The following BBS1 variants were observed in gnomAD, a reference collection of about 807,000 sequenced individuals.
BBS1 encodes Bardet-Biedl syndrome 1.
BBS1 carries 60 observed loss-of-function variants against 73.9 expected under a neutral mutation model. That is an observed-to-expected ratio of 0.81 (90% CI 0.66 to 1.01). The LOEUF (loss-of-function observed/expected upper bound fraction) is 1.01. BBS1 is among the 50% of genes least tolerant of loss of function. The pLI is 0.00. For missense variants in BBS1, 718 were observed against 770.3 expected, an observed-to-expected ratio of 0.93 and a Z score of 0.80; for synonymous variants, 283 against 317.4, an observed-to-expected ratio of 0.89 and a Z score of 1.15.
At chr11:66,511,284 T>C (rs765345749) in intron 3 of BBS1, 45 bp downstream of exon 3, 1 of 1,604,166 alleles carries the variant, frequency 6.2e-7, no homozygotes. Context: ...TAGGGGGGTG[T>C]ACCCAGAAAT....
intron 11 of BBS1, among the ~76,000 whole-genome samples, chr11:66,525,050 A>C (rs1018210122): frequency 1.3e-5 from 2 of 152,130 alleles, no homozygotes; most frequent in Non-Finnish European, 2.9e-5. Flanking sequence ...AATACAAAAA[A>C]TTAGCCGGGC....
chr11:66,510,943 C>T (rs1417515422), intron 1 of BBS1, 70 bp from the exon 2 acceptor site: 4 of 1,540,026 alleles, frequency 2.6e-6, no homozygotes, highest in Non-Finnish European at 3.6e-6. Flanking sequence ...TGACCTGTAC[C>T]AGCTTCCTCA....
chr11:66,519,278 G>C (rs1856126467), intron 7 of BBS1, among the ~76,000 whole-genome samples: 1 of 152,322 alleles, frequency 6.6e-6, no homozygotes, highest in Admixed American at 6.5e-5. Context: ...GGCTAAGGCA[G>C]GAGAATTGCT....
At chr11:66,527,708 C>G (rs530311621) in intron 13 of BBS1, 1 of 151,802 alleles carries the variant, frequency 6.6e-6, no homozygotes, top group Non-Finnish European at 1.5e-5. Context: ...ATAATAGTCC[C>G]TACCTTAGGA....
chr11:66,510,693 T>G lies in BBS1; in HGVS notation c.34T>G (p.Cys12Gly). The change falls in exon 1 of 17, where the codon TGC (cysteine) becomes GGC (glycine). Residue 12 changes from cysteine to glycine, a missense_variant. Cys to Gly is a radical substitution (Grantham distance 159, BLOSUM62 -3). Coordinates refer to ENST00000318312, the MANE Select transcript of BBS1 (RefSeq NM_024649.5). ...AAASSSDSDA[C>G]GAESNEANSK... Reference sequence around the variant, plus strand: ...TGCGTCCTCATCGGATTCCGACGCCTGCGGAGCTGAGAGGTGAAGGCAGGG... The same window carrying G: ...TGCGTCCTCATCGGATTCCGACGCCGGCGGAGCTGAGAGGTGAAGGCAGGG... The G allele has an allele frequency of 6.2e-7, 1 of 1,614,150 alleles. No homozygotes were observed. The highest frequency in any genetic ancestry group is 1.7e-5 in the Admixed American group (1 of 60,022).
chr11:66,522,336 C>CTT (rs748766824), intron 9 of BBS1, among the ~76,000 whole-genome samples: 2 of 143,234 alleles, frequency 1.4e-5, no homozygotes, highest in Admixed American at 7.0e-5. Flanking sequence ...ATATAAAATG[C>CTT]TTTTTTTTTT....
intron 3 of BBS1, among the ~76,000 whole-genome samples, chr11:66,513,690 A>G (rs1418673631): frequency 3.9e-5 from 6 of 152,158 alleles, no homozygotes. Context: ...TAAAAATAAT[A>G]AGACTGTTGA....
chr11:66,511,102 A>T lies in BBS1; in HGVS notation c.124+13A>T, dbSNP rs751779071. ...TCTGCCTGCCTAGGTGAGTCTCTGGAACCAGGAACCCTGGGTTCTAGTGGG... is the reference window on the plus strand; with the variant it reads ...TCTGCCTGCCTAGGTGAGTCTCTGGTACCAGGAACCCTGGGTTCTAGTGGG... On this transcript the variant is annotated intron_variant, in intron 2 of 16. Transcript: ENST00000318312. 86 of 1,613,974 alleles carry T rather than the reference A, an allele frequency of 5.3e-5. No individual in the cohort carries two copies. Among genetic ancestry groups the T allele is most frequent in the Non-Finnish European group, 5.9e-6 (7 of 1,179,990 alleles).
chr11:66,516,074 G>T, intron 7 of BBS1, 141 bp downstream of exon 7: 3 of 648,502 alleles, frequency 4.6e-6, no homozygotes, highest in Non-Finnish European at 8.1e-6. Context: ...CCATGTGTGT[G>T]TAGTCATAAA....
At chr11:66,527,668 CAAAAAAAAAAAAAAA>C (rs58165767) in intron 13 of BBS1, 1 of 57,968 alleles carries the variant, frequency 1.7e-5, no homozygotes, top group Non-Finnish European at 3.2e-5. Flanking sequence ...GACTCCGTCT[CAAAAAAAAAAAAAAA>C]AAAAAAAAGA....
In BBS1 at chr11:66,514,395, T is replaced by C; in HGVS notation, c.160-11T>C. The C allele has an allele frequency of 6.2e-7, 1 of 1,613,860 alleles. No homozygotes were observed. The highest frequency in any genetic ancestry group is 1.1e-5 in the South Asian group (1 of 91,074). Reference sequence around the variant, plus strand: ...ACCCTGAGCCTAGAATGAGCCATCCTCTCCCTGCAGCTGGTGGTAGGGGAC... The same window carrying C: ...ACCCTGAGCCTAGAATGAGCCATCCCCTCCCTGCAGCTGGTGGTAGGGGAC... On this transcript the variant is annotated splice_polypyrimidine_tract_variant and intron_variant, in intron 3 of 16. Coordinates refer to ENST00000318312, the MANE Select transcript of BBS1 (RefSeq NM_024649.5).
At chr11:66,520,310 A>C (rs1856166000) in intron 8 of BBS1, 1 of 157,922 alleles carries the variant, frequency 6.3e-6, no homozygotes, top group Non-Finnish European at 1.4e-5. Flanking sequence ...TTTGAGGCAG[A>C]ATCTTGCTGT....
chr11:66,531,156 A>G, intron 15 of BBS1, 128 bp downstream of exon 15: 1 of 1,304,762 alleles, frequency 7.7e-7, no homozygotes, highest in Non-Finnish European at 1.1e-6. Context: ...CAGCAGACCT[A>G]CTCTCCCACC....
intron 3 of BBS1, among the ~76,000 whole-genome samples, chr11:66,512,062 A>G (rs1169234271): frequency 6.1e-5 from 9 of 147,238 alleles, no homozygotes; most frequent in East Asian, 5.8e-4. Flanking sequence ...GTGTATATAT[A>G]TGTATATATA....
In BBS1 at chr11:66,510,984, C is replaced by T. The variant is rs1414724243; in HGVS notation, c.48-29C>T. The stretch of plus-strand genomic sequence containing the variant: ...TTTTTTTCCCCTCCCATGGGACTCA[C>T]TCCCCAACTGTCTTTCCCCCACTTC... On this transcript the variant is annotated intron_variant, in intron 1 of 16. Transcript: ENST00000318312. The T allele has an allele frequency of 2.5e-5, 40 of 1,612,776 alleles. No homozygotes were observed. The East Asian group carries it at 7.8e-4, about 31-fold the overall frequency.
intron 13 of BBS1, chr11:66,527,068 G>A: frequency 6.6e-7 from 1 of 1,507,412 alleles, no homozygotes; most frequent in East Asian, 2.5e-5. Context: ...CCAAACGCAG[G>A]AATTCTCATG....
chr11:66,526,251 T>A, intron 12 of BBS1, 59 bp downstream of exon 12: 7 of 1,521,630 alleles, frequency 4.6e-6, no homozygotes, highest in Non-Finnish European at 6.4e-6. Flanking sequence ...ACAGGCCTGC[T>A]TCTGGGGAAA....
intron 13 of BBS1, 194 bp from the exon 14 acceptor site, chr11:66,529,625 G>A: frequency 1.4e-6 from 1 of 715,290 alleles, no homozygotes; most frequent in Non-Finnish European, 2.4e-6. Context: ...GTGAGAAGAG[G>A]CAGGGCGAGG....
chr11:66,526,048 C>T (rs1856473915), intron 11 of BBS1, 75 bp from the exon 12 acceptor site: 1 of 1,324,210 alleles, frequency 7.6e-7, no homozygotes, highest in Non-Finnish European at 1.1e-6. Context: ...ATATCTGGGG[C>T]CTCCCCTACC....
Sources: gnomAD v4.1 joint callset for allele counts (sites outside exome capture counted in the v4.1 genomes callset) on GRCh38, gnomAD v4.1.1 for gene constraint, MANE v1.5 for transcripts, NCBI Gene and HGNC (gene_info 2026-07-23, HGNC 2026-07-21) for gene names.